Variants in TTC3 observed in about 807,000 individuals in gnomAD.
TTC3 encodes E3 ubiquitin-protein ligase TTC3.
TTC3 carries 180 observed loss-of-function variants against 249.6 expected under a neutral mutation model. That is an observed-to-expected ratio of 0.72 (90% CI 0.64 to 0.82). The LOEUF (loss-of-function observed/expected upper bound fraction) is 0.82, where lower values mean the gene tolerates loss of function less well. Among genes scored for constraint, TTC3 ranks in the 40% least tolerant of loss-of-function variants. The pLI is 0.00. For synonymous variants in TTC3, 717 were observed against 805.0 expected, an observed-to-expected ratio of 0.89 and a Z score of 1.85; for missense variants, 2,061 against 2,398.4, an observed-to-expected ratio of 0.86 and a Z score of 2.94.
At chr21:37,089,833 A>C (rs952625115) in intron 5 of TTC3, among the ~76,000 whole-genome samples, 2 of 152,146 alleles carry the variant, frequency 1.3e-5, no homozygotes, top group Non-Finnish European at 2.9e-5. Flanking sequence ...AAAATACAAA[A>C]ATTAGCCGGG....
chr21:37,190,039 G>A (rs1240270800), intron 39 of TTC3, among the ~76,000 whole-genome samples: 3 of 151,340 alleles, frequency 2.0e-5, no homozygotes, highest in Non-Finnish European at 4.4e-5. Flanking sequence ...CCTTCCTGGT[G>A]CTTGCCTTTT....
At chr21:37,117,595 T>C (rs2076240289) in intron 11 of TTC3, among the ~76,000 whole-genome samples, 1 of 152,066 alleles carries the variant, frequency 6.6e-6, no homozygotes, top group Non-Finnish European at 1.5e-5. Context: ...AAAACAGTTA[T>C]TAAAACTTTT....
At chr21:37,105,277 G>A (rs1440039101) in intron 10 of TTC3, among the ~76,000 whole-genome samples, 1 of 152,096 alleles carries the variant, frequency 6.6e-6, no homozygotes, top group Non-Finnish European at 1.5e-5. Context: ...AGGTGTTTGG[G>A]GAGAGAGACC....
At chr21:37,156,206 CT>C (rs762264540) in intron 27 of TTC3, among the ~76,000 whole-genome samples, 10 of 69,068 alleles carry the variant, frequency 1.4e-4, no homozygotes, top group Admixed American at 1.5e-4. Flanking sequence ...CTGGCTAACT[CT>C]TTTTTTTTTT....
rs1411281194 is a variant in TTC3 at position 37,182,924 on chromosome 21, A to G, written c.4757+11A>G. 2 of 1,533,868 alleles carry G rather than the reference A, an allele frequency of 1.3e-6. No individual in the cohort carries two copies. Among genetic ancestry groups the G allele is most frequent in the Non-Finnish European group, 1.7e-6 (2 of 1,145,424 alleles). ...AAATGCCAGTGAAATGTAAGTAATG[A>G]TTGAAAGGCAGTAATTTTTATTTAA... is the stretch of plus-strand genomic sequence containing the variant. On this transcript the variant is annotated intron_variant, in intron 36 of 45. Transcript: ENST00000355666.
chr21:37,168,024 CT>C (rs2081400589), intron 34 of TTC3, among the ~76,000 whole-genome samples: 1 of 152,008 alleles, frequency 6.6e-6, no homozygotes, highest in Admixed American at 6.6e-5. Context: ...TAAAGACCTT[CT>C]CTACTATAAT....
At chr21:37,108,130 G>T (rs957957838) in intron 10 of TTC3, 12 of 329,356 alleles carry the variant, frequency 3.6e-5, no homozygotes, top group Middle Eastern at 9.0e-4. Context: ...GTCGAAATGT[G>T]CAAGAAATAC....
chr21:37,189,868 C>T (rs1473404036), intron 39 of TTC3, among the ~76,000 whole-genome samples: 2 of 138,436 alleles, frequency 1.4e-5, no homozygotes, highest in Middle Eastern at 3.5e-3. Context: ...AGCCACCACG[C>T]CGGCCGGCCT....
chr21:37,183,178 T>G (rs756754857), intron 36 of TTC3, among the ~76,000 whole-genome samples: 1 of 152,230 alleles, frequency 6.6e-6, no homozygotes, highest in African/African-American at 2.4e-5. Context: ...ACTGACTTCC[T>G]TCCAGTTTGA....
chr21:37,182,375 G>A (rs763589261), intron 35 of TTC3, among the ~76,000 whole-genome samples: 3 of 152,168 alleles, frequency 2.0e-5, no homozygotes, highest in Non-Finnish European at 4.4e-5. Context: ...CAACCCAAAT[G>A]CCTTTAATGA....
intron 18 of TTC3, among the ~76,000 whole-genome samples, chr21:37,136,217 G>A (rs1390177266): frequency 1.3e-5 from 2 of 151,990 alleles, no homozygotes; most frequent in East Asian, 3.9e-4. Context: ...CCCTACAATG[G>A]CCTCTAAGTA....
At chr21:37,157,870 T>G (rs1025976278) in intron 28 of TTC3, among the ~76,000 whole-genome samples, 2 of 152,226 alleles carry the variant, frequency 1.3e-5, no homozygotes, top group Non-Finnish European at 2.9e-5. Context: ...AATGATAATT[T>G]CTTACCTTTC....
At chr21:37,129,023 G>C (rs751565160) in exon 16 of TTC3, 1 of 1,594,050 alleles carries the variant, frequency 6.3e-7, no homozygotes, top group Admixed American at 1.8e-5. Flanking sequence ...AAAACATAAA[G>C]GAAAACAAAA....
At chr21:37,077,991 A>T (rs562852981) in intron 1 of TTC3, among the ~76,000 whole-genome samples, 1 of 152,244 alleles carries the variant, frequency 6.6e-6, no homozygotes, top group South Asian at 2.1e-4. Flanking sequence ...ATTTAAGTTC[A>T]TAATTTATCT....
At chr21:37,125,121 T>C (rs1180669672) in intron 14 of TTC3, among the ~76,000 whole-genome samples, 1 of 152,206 alleles carries the variant, frequency 6.6e-6, no homozygotes, top group Non-Finnish European at 1.5e-5. Context: ...CATCTCCAGC[T>C]GGATCTGGAA....
chr21:37,151,854 C>T (rs1403014093), intron 25 of TTC3, 39 bp from the exon 26 acceptor site: 1 of 1,519,766 alleles, frequency 6.6e-7, no homozygotes, highest in South Asian at 1.4e-5. Flanking sequence ...CAAAGGAAAA[C>T]AGTTCATTGA....
intron 20 of TTC3, among the ~76,000 whole-genome samples, chr21:37,141,733 T>C (rs1274081856): frequency 1.3e-5 from 2 of 152,100 alleles, no homozygotes; most frequent in Non-Finnish European, 2.9e-5. Flanking sequence ...TGCACCACTG[T>C]ACTCCAGCCT....
intron 1 of TTC3, among the ~76,000 whole-genome samples, chr21:37,081,109 C>CTTTTTTTT (rs58809719): frequency 8.6e-5 from 5 of 58,190 alleles, no homozygotes; most frequent in East Asian, 1.0e-3. Flanking sequence ...TTATTTATGC[C>CTTTTTTTT]TTTTTTTTTT....
intron 19 of TTC3, among the ~76,000 whole-genome samples, chr21:37,139,763 C>T (rs1430518504): frequency 6.6e-6 from 1 of 151,874 alleles, no homozygotes; most frequent in East Asian, 1.9e-4. Flanking sequence ...TTGAAGAAAT[C>T]ATTTATTACA....
Sources: gnomAD v4.1 joint callset for allele counts (sites outside exome capture counted in the v4.1 genomes callset) on GRCh38, gnomAD v4.1.1 for gene constraint, MANE v1.5 for transcripts, NCBI Gene and HGNC (gene_info 2026-07-23, HGNC 2026-07-21) for gene names.